Variants in CACNA2D3 observed in about 807,000 individuals in gnomAD.
The protein encoded by CACNA2D3 is calcium voltage-gated channel auxiliary subunit alpha2delta 3, also known as voltage-dependent calcium channel subunit alpha-2/delta-3.
In CACNA2D3, 60 loss-of-function variants were observed where a neutral mutation model predicts 160.6. The observed-to-expected ratio is 0.37, with a 90% CI of 0.30 to 0.46. CACNA2D3 has a LOEUF of 0.46. Ranked by LOEUF, CACNA2D3 falls within the 20% of genes least tolerant of loss-of-function variation. The pLI is 1.00. For synonymous variants in CACNA2D3, 558 were observed against 492.9 expected (o/e 1.13, Z -1.75); for missense variants, 1,205 against 1,365.0 (o/e 0.88, Z 1.85).
chr3:54,256,645 C>T (rs1033592704), intron 2 of CACNA2D3, among the ~76,000 whole-genome samples: 11 of 151,826 alleles, frequency 7.2e-5, no homozygotes, highest in African/African-American at 2.7e-4. Context: ...ATGACACACA[C>T]CTGAGAAGTT....
chr3:54,862,396 C>CA (rs1699310641), intron 17 of CACNA2D3, among the ~76,000 whole-genome samples: 1 of 151,372 alleles, frequency 6.6e-6, no homozygotes, highest in Admixed American at 6.6e-5. Context: ...CACACACACA[C>CA]ACACACACGC....
At chr3:54,666,233 A>C (rs1700066714) in intron 11 of CACNA2D3, among the ~76,000 whole-genome samples, 1 of 152,262 alleles carries the variant, frequency 6.6e-6, no homozygotes, top group African/African-American at 2.4e-5. Context: ...AACAGCAAAG[A>C]GATGTAGGAA....
At chr3:54,870,367 C>G (rs960868775) in intron 17 of CACNA2D3, among the ~76,000 whole-genome samples, 5 of 152,194 alleles carry the variant, frequency 3.3e-5, no homozygotes, top group African/African-American at 1.2e-4. Flanking sequence ...GACCCTGCAT[C>G]TCACTTAGAA....
At chr3:54,298,232 A>G (rs1703384147) in intron 2 of CACNA2D3, among the ~76,000 whole-genome samples, 1 of 152,212 alleles carries the variant, frequency 6.6e-6, no homozygotes, top group Non-Finnish European at 1.5e-5. Flanking sequence ...ACGGACCTCT[A>G]CACGAAAGAA....
At chr3:54,381,138 A>G (rs1699096474) in intron 3 of CACNA2D3, among the ~76,000 whole-genome samples, 1 of 152,242 alleles carries the variant, frequency 6.6e-6, no homozygotes, top group African/African-American at 2.4e-5. Flanking sequence ...TGAAATCTTT[A>G]TTAAATTCCA....
intron 31 of CACNA2D3, among the ~76,000 whole-genome samples, chr3:54,994,119 T>A (rs1374065136): frequency 6.6e-6 from 1 of 152,106 alleles, no homozygotes; most frequent in Non-Finnish European, 1.5e-5. Flanking sequence ...CAGCTTCTGC[T>A]ATTTAAATCA....
intron 27 of CACNA2D3, among the ~76,000 whole-genome samples, chr3:54,949,964 G>A (rs1701715797): frequency 6.6e-6 from 1 of 152,206 alleles, no homozygotes; most frequent in African/African-American, 2.4e-5. Context: ...GGCTTCATCA[G>A]GCATGCAGAG....
chr3:54,722,914 C>T (rs995126046), intron 11 of CACNA2D3, among the ~76,000 whole-genome samples: 5 of 152,170 alleles, frequency 3.3e-5, no homozygotes, highest in Admixed American at 6.5e-5. Flanking sequence ...TAGCAGAGCT[C>T]GAACGCCGTA....
chr3:55,032,202 T>C (rs1703701994), intron 35 of CACNA2D3, among the ~76,000 whole-genome samples: 1 of 152,148 alleles, frequency 6.6e-6, no homozygotes, highest in South Asian at 2.1e-4. Context: ...GGAGTTGAAT[T>C]AAGTCCAGAT....
chr3:54,414,403 G>C (rs1323284933), intron 4 of CACNA2D3, among the ~76,000 whole-genome samples: 1 of 152,014 alleles, frequency 6.6e-6, no homozygotes, highest in African/African-American at 2.4e-5. Flanking sequence ...AAGACAAAAA[G>C]TGCAACTTTA....
intron 4 of CACNA2D3, among the ~76,000 whole-genome samples, chr3:54,431,706 G>C (rs1435513169): frequency 6.6e-6 from 1 of 152,140 alleles, no homozygotes; most frequent in East Asian, 1.9e-4. Context: ...TCCATCTCCT[G>C]GGCGGATTCT....
intron 4 of CACNA2D3, among the ~76,000 whole-genome samples, chr3:54,417,455 T>C (rs1278152204): frequency 6.6e-6 from 1 of 152,224 alleles, no homozygotes; most frequent in East Asian, 1.9e-4. Flanking sequence ...TAGTTTATTT[T>C]CTTTCCTGAT....
At chr3:54,999,178 G>GT (rs1463290064) in intron 31 of CACNA2D3, among the ~76,000 whole-genome samples, 1 of 152,212 alleles carries the variant, frequency 6.6e-6, no homozygotes, top group East Asian at 1.9e-4. Flanking sequence ...TCTGCAAGAA[G>GT]TTGCTGTGGG....
chr3:55,073,049 G>GA (rs1197525880), intron 35 of CACNA2D3, among the ~76,000 whole-genome samples: 2 of 152,166 alleles, frequency 1.3e-5, no homozygotes, highest in East Asian at 3.9e-4. Flanking sequence ...AAGGAGGAGA[G>GA]AAAACGCCAC....
At chr3:54,628,375 G>C (rs1036008712) in intron 10 of CACNA2D3, among the ~76,000 whole-genome samples, 4 of 152,206 alleles carry the variant, frequency 2.6e-5, no homozygotes, top group Non-Finnish European at 4.4e-5. Flanking sequence ...CCAGAGCACA[G>C]TGGGGAAGAG....
chr3:54,416,683 A>G (rs766969777), intron 4 of CACNA2D3, among the ~76,000 whole-genome samples: 8 of 152,184 alleles, frequency 5.3e-5, no homozygotes, highest in Non-Finnish European at 8.8e-5. Flanking sequence ...CATTAGTGAA[A>G]CAGCTGGCTT....
chr3:54,566,874 T>A (rs1702417621), intron 6 of CACNA2D3, among the ~76,000 whole-genome samples: 1 of 152,180 alleles, frequency 6.6e-6, no homozygotes, highest in Non-Finnish European at 1.5e-5. Context: ...GAGTTCTCCA[T>A]AAGTTTGGAC....
intron 17 of CACNA2D3, among the ~76,000 whole-genome samples, chr3:54,848,729 C>T (rs1698989745): frequency 6.6e-6 from 1 of 152,338 alleles, no homozygotes; most frequent in African/African-American, 2.4e-5. Flanking sequence ...CAGCATCACA[C>T]TGTGAAGCTC....
intron 5 of CACNA2D3, among the ~76,000 whole-genome samples, chr3:54,505,293 T>G (rs1397953266): frequency 6.6e-6 from 1 of 152,190 alleles, no homozygotes; most frequent in Non-Finnish European, 1.5e-5. Flanking sequence ...GTATCACATA[T>G]TGGCCACAGT....
Sources: allele counts gnomAD v4.1 joint callset (sites outside exome capture counted in the v4.1 genomes callset), GRCh38; gene constraint gnomAD v4.1.1; transcripts MANE v1.5; gene names NCBI Gene and HGNC (gene_info 2026-07-23, HGNC 2026-07-21).